The following GBX2 variants were observed in gnomAD, a reference collection of about 807,000 sequenced individuals.
GBX2 encodes the protein gastrulation brain homeobox 2.
GBX2 carries 5 observed loss-of-function variants against 22.4 expected under a neutral mutation model. The observed-to-expected ratio is 0.22, with a 90% confidence interval of 0.12 to 0.47. The LOEUF is 0.47. Among genes scored for constraint, GBX2 ranks in the 20% least tolerant of loss-of-function variants. The pLI is 0.99. For synonymous variants in GBX2, 220 were observed against 230.5 expected, an observed-to-expected ratio of 0.95 and a Z score of 0.41; for missense variants, 470 against 495.4, an observed-to-expected ratio of 0.95 and a Z score of 0.49.
rs1160238993 is a variant in GBX2, at chr2:236,166,456, G to T, written c.524-19C>A. On this transcript the variant is annotated intron_variant, in intron 1 of 1. Transcript: ENST00000306318. The surrounding 1 kb of genome is among the most constrained non-coding windows in gnomAD (Gnocchi z 6.6). ...GCCCCGACTGAAAGCAAAACCAAACGGCATTTTATTACATTTCGCACACTG... is the reference window on the plus strand; with the variant it reads ...GCCCCGACTGAAAGCAAAACCAAACTGCATTTTATTACATTTCGCACACTG... 2 of 1,597,700 alleles carry T rather than the reference G, an allele frequency of 1.3e-6. No individual in the cohort carries two copies. The highest frequency in any genetic ancestry group is 1.7e-6 in the Non-Finnish European group (2 of 1,168,884).
chr2:236,162,954 A>G (rs536234837), downstream of GBX2, among the ~76,000 whole-genome samples: 1 of 152,312 alleles, frequency 6.6e-6, no homozygotes, highest in Non-Finnish European at 1.5e-5. Context: ...AGTTGCTGTT[A>G]ATTTAGTGCA....
chr2:236,167,420 C>T (rs779005128), intron 1 of GBX2, 29 bp downstream of exon 1: 3 of 1,474,646 alleles, frequency 2.0e-6, no homozygotes, highest in Admixed American at 2.5e-5. Context: ...CCCGCCCCCT[C>T]GTCCCGGCTG....
At position 236,167,983 on chromosome 2, in the gene GBX2, G is replaced by C; in HGVS notation, c.-12C>G. The C allele has an allele frequency of 6.5e-7, 1 of 1,541,776 alleles. No individual in the cohort carries two copies. The highest frequency in any genetic ancestry group is 8.7e-7 in the Non-Finnish European group (1 of 1,147,346). ...AACGCTGCGCTCATAGACGCGCTCG[G>C]TAGAGGCCAGCGAGAGGCGAAAAGT... On this transcript the variant is annotated 5_prime_UTR_variant, in exon 1 of 2. Coordinates refer to ENST00000306318, the MANE Select transcript of GBX2 (RefSeq NM_001485.4).
downstream of GBX2, among the ~76,000 whole-genome samples, chr2:236,164,505 C>A (rs2060227024): frequency 6.6e-6 from 1 of 152,168 alleles, no homozygotes; most frequent in Admixed American, 6.5e-5. Context: ...CACGCCCCAC[C>A]GAGATGGGGA....
rs2060253085 is a variant in GBX2, at chr2:236,168,043, A to ACGCCGGGAGCAC, written c.-84_-73dup. On this transcript the variant is annotated 5_prime_UTR_variant, in exon 1 of 2. Transcript: ENST00000306318. ...GCGCCGCCGCCGGGAAGCCCGCCGG[A>ACGCCGGGAGCAC]CGCCGGGAGCACCGCCGGGAGCGCC... 2.5e-5 allele frequency: 34 copies of ACGCCGGGAGCAC among 1,346,248 alleles called. No individual in the cohort carries two copies. Among genetic ancestry groups the ACGCCGGGAGCAC allele is most frequent in the Middle Eastern group, 2.7e-4 (1 of 3,684 alleles). The allele number at this position is 1,346,248 out of a possible 1,614,324, so 83.4% of individuals were successfully genotyped here.
chr2:236,166,837 G>A lies in GBX2; in HGVS notation c.524-400C>T, dbSNP rs1315583551. The stretch of plus-strand genomic sequence containing the variant: ...ATTCACGATTCATCCTCCCCCCACC[G>A]CCACCATGAAAATGTAGTGAACCTC... On this transcript the variant is annotated intron_variant, in intron 1 of 1. Transcript: ENST00000306318. The surrounding 1 kb of genome is among the most constrained non-coding windows in gnomAD (Gnocchi z 6.6). Among the ~76,000 whole-genome samples the A allele has an allele frequency of 6.6e-6, 1 of 152,156 alleles. No individual in the cohort carries two copies. Among genetic ancestry groups the A allele is most frequent in the Non-Finnish European group, 1.5e-5 (1 of 68,034 alleles).
rs754607396 is a variant in GBX2, at chr2:236,166,277, C to T, written c.684G>A (p.Leu228=). 2 of 1,613,786 alleles carry T rather than the reference C, an allele frequency of 1.2e-6. No individual in the cohort carries two copies. Among genetic ancestry groups the T allele is most frequent in the South Asian group, 1.1e-5 (1 of 91,088 alleles). The change falls in exon 2 of 2, where the codon CTG becomes CTA. Residue 228 remains leucine (L), a synonymous_variant. Coordinates refer to ENST00000306318, the MANE Select transcript of GBX2 (RefSeq NM_001485.4). This position sits in a 1 kb window ranked among gnomAD's most constrained non-coding sequence, Gnocchi z 6.6. ...AHKEEDPGHA[L]EETPPSSGAA... is the part of the protein sequence containing the mutation. ...CGCCGCTGCTCGGCGGGGTCTCCTC[C>T]AGCGCGTGGCCCGGGTCTTCCTCCT...
chr2:236,167,362 C>T, intron 1 of GBX2, 87 bp downstream of exon 1: 5 of 1,392,526 alleles, frequency 3.6e-6, no homozygotes, highest in Admixed American at 2.9e-5. Context: ...GCGGCCTCGC[C>T]CCCTTGGTCT....
At chr2:236,162,956 T>A (rs1389155900), downstream of GBX2, among the ~76,000 whole-genome samples, 1 of 152,170 alleles carries the variant, frequency 6.6e-6, no homozygotes, top group Admixed American at 6.5e-5. Flanking sequence ...TTGCTGTTAA[T>A]TTAGTGCAGG....
In GBX2 at chr2:236,167,505, G is replaced by T. The variant is rs758468823; in HGVS notation, c.467C>A (p.Ala156Asp). 6.3e-7 allele frequency: 1 copy of T among 1,593,538 alleles called. No individual in the cohort carries two copies. The highest frequency in any genetic ancestry group is 1.1e-5 in the South Asian group (1 of 89,430). The part of the protein sequence containing the change: ...ADAEDGKGFL[A>D]KEGSLLAFSA... Reference sequence around the variant, plus strand: ...GAAGGCGAGCAGCGAGCCCTCTTTGGCCAGGAAGCCTTTGCCGTCCTCCGC... The same window carrying T: ...GAAGGCGAGCAGCGAGCCCTCTTTGTCCAGGAAGCCTTTGCCGTCCTCCGC... The change falls in exon 1 of 2, where the codon GCC becomes GAC. Residue 156 changes from alanine (A) to aspartate (D), a missense_variant. Ala to Asp is a moderately radical substitution (Grantham distance 126, BLOSUM62 -2). Around this residue, in one of 4 missense-constraint regions of GBX2, gnomAD observed 377 missense variants for 358.6 expected, o/e 1.05. Coordinates refer to ENST00000306318, the MANE Select transcript of GBX2 (RefSeq NM_001485.4).
rs1386211017 is a variant in GBX2, at chr2:236,166,219, G to T, written c.742C>A (p.Arg248=). ...AGSTTSTGKN[R]RRRTAFTSEQ... ...CTGGTGAAGGCAGTCCGCCGCCGCC[G>T]GTTCTTGCCCGTAGACGTGGTGCTG... The change falls in exon 2 of 2, where the codon CGG becomes AGG. Residue 248 remains arginine (R), a synonymous_variant. Coordinates refer to ENST00000306318, the MANE Select transcript of GBX2 (RefSeq NM_001485.4). This position sits in a 1 kb window ranked among gnomAD's most constrained non-coding sequence, Gnocchi z 6.6. The T allele has an allele frequency of 1.2e-6, 2 of 1,613,586 alleles. No homozygotes were observed.
rs755385599 is a variant in GBX2, at chr2:236,167,903, G to A, written c.69C>T (p.Ser23=). The A allele has an allele frequency of 4.5e-5, 70 of 1,561,724 alleles. No individual in the cohort carries two copies. Among genetic ancestry groups the A allele is most frequent in the Non-Finnish European group, 6.0e-5 (69 of 1,156,948 alleles). The change falls in exon 1 of 2, where the codon AGC becomes AGT. Residue 23 remains serine (S), a synonymous_variant. Coordinates refer to ENST00000306318, the MANE Select transcript of GBX2 (RefSeq NM_001485.4). The stretch of plus-strand genomic sequence containing the variant: ...GCGGGCTGCCGATCAGCGAGTCTAT[G>A]CTGAAGGCGGTGCTACTCCCCAGCG... The part of the protein sequence containing the change: ...QRPLGSSTAF[S]IDSLIGSPPQ...
chr2:236,164,266 G>T (rs1005977067), downstream of GBX2, among the ~76,000 whole-genome samples: 2 of 152,134 alleles, frequency 1.3e-5, no homozygotes, highest in African/African-American at 4.8e-5. Context: ...GCGGCTCACC[G>T]GCCTCCCCTC....
At chr2:236,161,669 CT>C (rs1486345556), downstream of GBX2, among the ~76,000 whole-genome samples, 1 of 152,204 alleles carries the variant, frequency 6.6e-6, no homozygotes, top group Non-Finnish European at 1.5e-5. Flanking sequence ...GCCACCTGCT[CT>C]GGCTGTGCAT....
rs2060231952 is a variant in GBX2, at chr2:236,165,275, A to G, written c.*639T>C. The G allele has an allele frequency of 6.6e-6, 1 of 152,206 alleles. No homozygotes were observed. Among genetic ancestry groups the G allele is most frequent in the African/African-American group, 2.4e-5 (1 of 41,426 alleles). 9.4% of individuals were successfully genotyped at this position (152,206 alleles called of 1,614,324 possible). A position where few individuals can be genotyped will look rare whatever the true frequency, so the allele number is the denominator to read the frequency against. ...CCCCTCTCTCCTTTTTATTATTCAC[A>G]AGACTGAAATTGTTTAAATGTCATA... On this transcript the variant is annotated 3_prime_UTR_variant, in exon 2 of 2. Transcript: ENST00000306318.
At chr2:236,162,714 G>A (rs1018674575), downstream of GBX2, among the ~76,000 whole-genome samples, 1 of 152,214 alleles carries the variant, frequency 6.6e-6, no homozygotes, top group African/African-American at 2.4e-5. Context: ...GCTGGGGGGC[G>A]CAGGTCCAAG....
intron 1 of GBX2, chr2:236,167,011 C>A (rs2060242880): frequency 1.2e-6 from 1 of 849,390 alleles, no homozygotes; most frequent in Admixed American, 2.1e-5. Context: ...CACAGCCTCC[C>A]AGCAGTCCGT....
chr2:236,166,275 T>C lies in GBX2; in HGVS notation c.686A>G (p.Glu229Gly). ...GGCGCCGCTGCTCGGCGGGGTCTCC[T>C]CCAGCGCGTGGCCCGGGTCTTCCTC... ...HKEEDPGHAL[E>G]ETPPSSGAAG... The change falls in exon 2 of 2, where the codon GAG (glutamate) becomes GGG (glycine). Residue 229 changes from glutamate to glycine, a missense_variant. Glu to Gly is a moderately conservative substitution (Grantham distance 98). Around this residue, in one of 4 missense-constraint regions of GBX2, gnomAD observed 377 missense variants for 358.6 expected, o/e 1.05. Coordinates refer to ENST00000306318, the MANE Select transcript of GBX2 (RefSeq NM_001485.4). This position sits in a 1 kb window ranked among gnomAD's most constrained non-coding sequence, Gnocchi z 6.6. 1 of 1,613,760 alleles carries C rather than the reference T, an allele frequency of 6.2e-7. No individual in the cohort carries two copies. The highest frequency in any genetic ancestry group is 8.5e-7 in the Non-Finnish European group (1 of 1,179,992).
At chr2:236,162,635 C>A (rs192269463), downstream of GBX2, among the ~76,000 whole-genome samples, 6 of 152,266 alleles carry the variant, frequency 3.9e-5, no homozygotes, top group East Asian at 1.2e-3. Context: ...GTTCTTGTGG[C>A]CCCCCTCCGA....
Sources: gnomAD v4.1 joint callset for allele counts (sites outside exome capture counted in the v4.1 genomes callset) on GRCh38, gnomAD v4.1.1 for gene constraint, gnomAD v4.1.1 regional missense constraint, Gnocchi (gnomAD v3.1) non-coding constraint, MANE v1.5 for transcripts, NCBI Gene and HGNC (gene_info 2026-07-23, HGNC 2026-07-21) for gene names.